The following TSPEAR variants were observed in gnomAD, a reference collection of about 807,000 sequenced individuals.
TSPEAR encodes the protein thrombospondin-type laminin G domain and EAR repeat-containing protein.
In TSPEAR, 69 loss-of-function variants were observed where a neutral mutation model predicts 71.6. That is an observed-to-expected ratio of 0.96 (90% CI 0.79 to 1.18). TSPEAR has a LOEUF of 1.18. Among genes scored for constraint, TSPEAR ranks in the 50% most tolerant of loss-of-function variants. The pLI, the probability that TSPEAR is intolerant of heterozygous loss-of-function variation, is 0.00. For missense variants in TSPEAR, 971 were observed against 894.9 expected, an observed-to-expected ratio of 1.09 and a Z score of -1.09; for synonymous variants, 402 against 387.2, an observed-to-expected ratio of 1.04 and a Z score of -0.45.
At chr21:44,566,845 C>T (rs781935751) in intron 2 of TSPEAR, among the ~76,000 whole-genome samples, 16 of 152,150 alleles carry the variant, frequency 1.1e-4, no homozygotes, top group Middle Eastern at 3.4e-3. Context: ...CTACCTCACA[C>T]CACATACAAA....
At chr21:44,523,708 G>A (rs1211755264) in intron 8 of TSPEAR, among the ~76,000 whole-genome samples, 1 of 151,060 alleles carries the variant, frequency 6.6e-6, no homozygotes, top group East Asian at 2.0e-4. Flanking sequence ...CAGGTAGTTA[G>A]TCATCAGTCA....
At chr21:44,514,405 G>A (rs919987287) in intron 9 of TSPEAR, among the ~76,000 whole-genome samples, 2 of 152,154 alleles carry the variant, frequency 1.3e-5, no homozygotes, top group Non-Finnish European at 2.9e-5. Context: ...CATGTGTGTT[G>A]AGCCATGGGC....
At chr21:44,650,709 G>A (rs938907597) in intron 1 of TSPEAR, among the ~76,000 whole-genome samples, 11 of 152,188 alleles carry the variant, frequency 7.2e-5, no homozygotes, top group African/African-American at 2.4e-4. Flanking sequence ...AGCAGCCCCC[G>A]GATGTCAACA....
Position 44,687,949 on chromosome 21 carries a change from G to A in TSPEAR, c.82+23484C>T, listed in dbSNP as rs75757012. ...ATGATGCACTGACAGAGGCCGGCTC[G>A]GGGGTGAGTATCCGATCAAGCACAG... On this transcript the variant is annotated intron_variant, in intron 1 of 11. Transcript: ENST00000323084. The surrounding 1 kb of genome is among the most constrained non-coding windows in gnomAD (Gnocchi z 4.4). Among the ~76,000 whole-genome samples the A allele has an allele frequency of 2.0e-5, 3 of 152,212 alleles. No individual in the cohort carries two copies. The highest frequency in any genetic ancestry group is 7.2e-5 in the African/African-American group (3 of 41,450).
chr21:44,673,345 A>G (rs1472712060), intron 1 of TSPEAR, among the ~76,000 whole-genome samples: 1 of 152,238 alleles, frequency 6.6e-6, no homozygotes, highest in Non-Finnish European at 1.5e-5. Flanking sequence ...TTCATGGACA[A>G]TCAAAAGCTG....
At chr21:44,521,763 C>T in intron 9 of TSPEAR, 120 bp downstream of exon 9, 1 of 939,546 alleles carries the variant, frequency 1.1e-6, no homozygotes, top group Non-Finnish European at 1.6e-6. Context: ...GTCACGGGTG[C>T]AGAGCAGCAC....
chr21:44,601,919 T>A, intron 1 of TSPEAR: 3 of 877,332 alleles, frequency 3.4e-6, no homozygotes, highest in Non-Finnish European at 5.2e-6. Context: ...AGTCTTGACT[T>A]TCCCCCAATT....
At chr21:44,610,701 G>C (rs782054941) in intron 1 of TSPEAR, among the ~76,000 whole-genome samples, 1 of 152,164 alleles carries the variant, frequency 6.6e-6, no homozygotes, top group Non-Finnish European at 1.5e-5. Flanking sequence ...TAGATCTATT[G>C]ACACCTTGCA....
At position 44,498,391 on chromosome 21, in the gene TSPEAR, A is replaced by T. The variant is rs1220923556; in HGVS notation, c.*1392T>A. 1 of 152,276 alleles carries T rather than the reference A, an allele frequency of 6.6e-6. No homozygotes were observed. The highest frequency in any genetic ancestry group is 2.4e-5 in the African/African-American group (1 of 41,456). The allele number at this position is 152,276 out of a possible 1,614,324, so 9.4% of individuals were successfully genotyped here. On this transcript the variant is annotated 3_prime_UTR_variant, in exon 12 of 12. Coordinates refer to ENST00000323084, the MANE Select transcript of TSPEAR (RefSeq NM_144991.3). The stretch of plus-strand genomic sequence containing the variant: ...AACCCTCCTGCCCAGGACGCTTGGG[A>T]AAGCCTTGCTGGCTGGACGGAGGGG...
intron 1 of TSPEAR, among the ~76,000 whole-genome samples, chr21:44,621,441 G>GC (rs587641593): frequency 1.6e-4 from 25 of 152,286 alleles, no homozygotes; most frequent in African/African-American, 6.0e-4. Flanking sequence ...TGTGGGCCCA[G>GC]CCCCCGCCGA....
At chr21:44,517,461 T>G (rs587700008) in intron 9 of TSPEAR, 1 of 272,566 alleles carries the variant, frequency 3.7e-6, no homozygotes, top group South Asian at 3.5e-5. Context: ...TGTGAGGACG[T>G]GAGCACAGGT....
intron 1 of TSPEAR, among the ~76,000 whole-genome samples, chr21:44,660,173 G>C (rs1985411766): frequency 6.6e-6 from 1 of 152,196 alleles, no homozygotes; most frequent in South Asian, 2.1e-4. Flanking sequence ...GTCCCTCAAA[G>C]AGAAGAAAGA....
At chr21:44,698,771 C>T (rs997291412) in intron 1 of TSPEAR, among the ~76,000 whole-genome samples, 4 of 152,242 alleles carry the variant, frequency 2.6e-5, no homozygotes, top group South Asian at 4.1e-4. Flanking sequence ...GATCCAGAAG[C>T]GGTCCACTTC....
chr21:44,662,448 A>T (rs938617259), intron 1 of TSPEAR, among the ~76,000 whole-genome samples: 1 of 152,240 alleles, frequency 6.6e-6, no homozygotes, highest in Non-Finnish European at 1.5e-5. Flanking sequence ...ACAATTCTAA[A>T]TGTGTAAGCA....
intron 7 of TSPEAR, 118 bp from the exon 8 acceptor site, chr21:44,525,957 A>G: frequency 9.7e-7 from 1 of 1,027,860 alleles, no homozygotes; most frequent in Non-Finnish European, 1.5e-6. Context: ...TACGTGGTGC[A>G]GGGACAGAGG....
At chr21:44,602,039 C>CTG (rs10563344) in intron 1 of TSPEAR, 56,717 of 505,178 alleles carry the variant, frequency 0.11, 6,395 homozygotes, top group African/African-American at 0.41. Context: ...CAGGTACCAA[C>CTG]TGGGTTTCTC....
intron 2 of TSPEAR, among the ~76,000 whole-genome samples, chr21:44,545,742 T>C (rs2053294163): frequency 6.6e-6 from 1 of 152,064 alleles, no homozygotes; most frequent in South Asian, 2.1e-4. Context: ...CCAAAACTTA[T>C]GAGATGCAGT....
chr21:44,676,478 T>G (rs2146289477), intron 1 of TSPEAR: 1 of 919,810 alleles, frequency 1.1e-6, no homozygotes, highest in East Asian at 2.4e-5. Flanking sequence ...ACTGCATGAC[T>G]CTGAACAGCG....
intron 2 of TSPEAR, chr21:44,538,914 C>A: frequency 3.0e-6 from 1 of 333,606 alleles, no homozygotes; most frequent in Non-Finnish European, 5.5e-6. Flanking sequence ...TAAAAATAAT[C>A]ATGGCTGGAG....
Sources: allele counts gnomAD v4.1 joint callset (sites outside exome capture counted in the v4.1 genomes callset), GRCh38; gene constraint gnomAD v4.1.1; non-coding constraint Gnocchi (gnomAD v3.1); transcripts MANE v1.5; gene names NCBI Gene and HGNC (gene_info 2026-07-23, HGNC 2026-07-21).